The following RAB38 variants were observed in gnomAD, a reference collection of about 807,000 sequenced individuals.
RAB38 encodes the protein ras-related protein Rab-38.
Under a neutral mutation model 18.4 loss-of-function variants are expected in RAB38, and 15 were observed. The ratio of observed to expected loss-of-function variants is 0.82; its 90% CI spans 0.55 to 1.26. RAB38 has a LOEUF of 1.26. RAB38 is among the 50% of genes most tolerant of loss of function. RAB38 has a pLI of 0.00. For synonymous variants in RAB38, 101 were observed against 104.4 expected (o/e 0.97, Z 0.20); for missense variants, 294 against 267.4 (o/e 1.10, Z -0.69).
Position 88,145,097 on chromosome 11 carries a change from G to C in RAB38, c.483+4578C>G, listed in dbSNP as rs532190015. 2.6e-5 allele frequency among the ~76,000 whole-genome samples: 4 copies of C among 152,140 alleles called. No individual in the cohort carries two copies. The South Asian group carries it at 6.2e-4, about 24-fold the overall frequency. On this transcript the variant is annotated intron_variant, in intron 2 of 2. Transcript: ENST00000243662. The stretch of plus-strand genomic sequence containing the variant: ...GAGTGTGCAAAGTGTGTGTCTACAT[G>C]TGGTGGGATCAGATATTATGCATCT...
At chr11:88,059,248 C>T in the RAB38 span, among the ~76,000 whole-genome samples, 6 of 152,182 alleles carry the variant, frequency 3.9e-5, no homozygotes, top group Admixed American at 2.6e-4. Context: ...TAATTATTAA[C>T]ACACGTTTTG....
chr11:88,068,926 C>T, the RAB38 span, among the ~76,000 whole-genome samples: 167 of 152,366 alleles, frequency 1.1e-3, no homozygotes, highest in Middle Eastern at 3.4e-3. Context: ...AGCACCTCCT[C>T]GGCCTCGGTG....
intron 2 of RAB38, among the ~76,000 whole-genome samples, chr11:88,122,427 C>T (rs1332605862): frequency 6.6e-6 from 1 of 152,170 alleles, no homozygotes; most frequent in Non-Finnish European, 1.5e-5. Context: ...ACTTAACAAA[C>T]CCCATTCATG....
chr11:87,920,669 G>A, the RAB38 span, among the ~76,000 whole-genome samples: 1 of 149,742 alleles, frequency 6.7e-6, no homozygotes, highest in African/African-American at 2.5e-5. Flanking sequence ...CTAAAGTACA[G>A]TTTAAGTTTA....
intron 2 of RAB38, among the ~76,000 whole-genome samples, chr11:88,117,363 T>A (rs897468133): frequency 6.6e-6 from 1 of 152,154 alleles, no homozygotes; most frequent in Admixed American, 6.5e-5. Context: ...TGTAGAGCCT[T>A]GAATACTAAA....
chr11:88,004,297 G>T, the RAB38 span, among the ~76,000 whole-genome samples: 1 of 150,896 alleles, frequency 6.6e-6, no homozygotes, highest in Non-Finnish European at 1.5e-5. Flanking sequence ...ATTTGAGCAA[G>T]TTAGATTTGT....
At chr11:88,154,372 G>A (rs916287295) in intron 1 of RAB38, among the ~76,000 whole-genome samples, 1 of 152,224 alleles carries the variant, frequency 6.6e-6, no homozygotes, top group African/African-American at 2.4e-5. Flanking sequence ...GTAGGTGCTA[G>A]AAGTGTGTTC....
chr11:87,952,595 A>G, the RAB38 span, among the ~76,000 whole-genome samples: 7 of 152,192 alleles, frequency 4.6e-5, no homozygotes, highest in Middle Eastern at 3.2e-3. Context: ...AAATGACACA[A>G]ATGGGTTATA....
chr11:88,004,279 T>C, the RAB38 span, among the ~76,000 whole-genome samples: 1 of 150,806 alleles, frequency 6.6e-6, no homozygotes, highest in African/African-American at 2.4e-5. Context: ...TTGTAAAAGG[T>C]ATGATACATT....
the RAB38 span, among the ~76,000 whole-genome samples, chr11:87,871,366 G>T: frequency 6.6e-6 from 1 of 151,548 alleles, no homozygotes; most frequent in African/African-American, 2.4e-5. Flanking sequence ...ATGTGAAAAA[G>T]ACTACAGCTA....
chr11:88,039,245 G>C, the RAB38 span, among the ~76,000 whole-genome samples: 25 of 152,208 alleles, frequency 1.6e-4, no homozygotes, highest in Non-Finnish European at 3.2e-4. Flanking sequence ...GCAATTTAGA[G>C]ACTGCTTGGA....
chr11:87,951,237 C>G, the RAB38 span, among the ~76,000 whole-genome samples: 3 of 152,122 alleles, frequency 2.0e-5, no homozygotes, highest in Non-Finnish European at 4.4e-5. Flanking sequence ...TCAGCTCCAT[C>G]AGGTCCTTTA....
chr11:87,957,808 G>C, the RAB38 span, among the ~76,000 whole-genome samples: 2 of 151,986 alleles, frequency 1.3e-5, no homozygotes, highest in Non-Finnish European at 2.9e-5. Context: ...AGAAGGGAGA[G>C]CATGAGAAGG....
chr11:88,025,144 T>C, the RAB38 span, among the ~76,000 whole-genome samples: 8 of 151,608 alleles, frequency 5.3e-5, no homozygotes, highest in Middle Eastern at 3.2e-3. Context: ...TTACACCTAC[T>C]ATGTAGGTGG....
chr11:87,817,230 T>C, the RAB38 span: 10 of 152,130 alleles, frequency 6.6e-5, no homozygotes, highest in Non-Finnish European at 1.5e-5. Context: ...TTTTAAACTT[T>C]TACCTAGTCA....
At chr11:87,949,220 G>A in the RAB38 span, among the ~76,000 whole-genome samples, 2 of 152,144 alleles carry the variant, frequency 1.3e-5, no homozygotes, top group Non-Finnish European at 2.9e-5. Flanking sequence ...GTATTTCTGT[G>A]GGATAGGTGG....
chr11:88,052,935 T>TAAATTATATATATATATATATATATC, the RAB38 span, among the ~76,000 whole-genome samples: 4 of 85,792 alleles, frequency 4.7e-5, 1 homozygote, highest in African/African-American at 1.6e-4. Flanking sequence ...TATATATATA[T>TAAATTATATATATATATATATATATC]ATATATATAA....
chr11:88,036,587 C>A, the RAB38 span, among the ~76,000 whole-genome samples: 1 of 151,976 alleles, frequency 6.6e-6, no homozygotes, highest in African/African-American at 2.4e-5. Context: ...TTTCTTAGAA[C>A]ATTTTATTGA....
At chr11:88,011,325 T>A in the RAB38 span, among the ~76,000 whole-genome samples, 1 of 152,226 alleles carries the variant, frequency 6.6e-6, no homozygotes, top group African/African-American at 2.4e-5. Context: ...GTTCTTGTTT[T>A]TATTAAAATT....
Sources: gnomAD v4.1 joint callset for allele counts (sites outside exome capture counted in the v4.1 genomes callset) on GRCh38, gnomAD v4.1.1 for gene constraint, MANE v1.5 for transcripts, NCBI Gene and HGNC (gene_info 2026-07-23, HGNC 2026-07-21) for gene names.